The following PSD3 variants were observed in gnomAD, a reference collection of about 807,000 sequenced individuals.
PSD3 encodes the protein PH and SEC7 domain-containing protein 3.
In PSD3, 49 loss-of-function variants were observed where a neutral mutation model predicts 105.5. The observed-to-expected ratio is 0.46, with a 90% CI of 0.37 to 0.59. PSD3 has a LOEUF of 0.59. PSD3 is among the 20% of genes least tolerant of loss of function. The pLI is 0.00. For missense variants in PSD3, 1,561 were observed against 1,263.8 expected (o/e 1.24, Z -3.57); for synonymous variants, 557 against 457.8 (o/e 1.22, Z -2.77).
At chr8:18,674,157 A>G (rs1799944976) in intron 9 of PSD3, among the ~76,000 whole-genome samples, 1 of 151,630 alleles carries the variant, frequency 6.6e-6, no homozygotes, top group African/African-American at 2.4e-5. Flanking sequence ...AAAAAAAAAG[A>G]AAATGGTGGG....
chr8:18,736,614 T>C (rs1804170557), intron 9 of PSD3, among the ~76,000 whole-genome samples: 1 of 152,010 alleles, frequency 6.6e-6, no homozygotes, highest in Admixed American at 6.5e-5. Context: ...GTAGTTCAAC[T>C]CCAGGGAAAT....
intron 9 of PSD3, among the ~76,000 whole-genome samples, chr8:18,683,451 T>C (rs921099612): frequency 2.6e-5 from 4 of 152,232 alleles, no homozygotes; most frequent in African/African-American, 7.2e-5. Context: ...AAAAATCATT[T>C]GTCAAGGCAA....
At chr8:18,551,883 T>C (rs1800789126) in intron 15 of PSD3, among the ~76,000 whole-genome samples, 1 of 152,060 alleles carries the variant, frequency 6.6e-6, no homozygotes, top group Non-Finnish European at 1.5e-5. Flanking sequence ...TTAATACATA[T>C]AAAACTGGCT....
Position 18,610,306 on chromosome 8 carries a change from C to G in PSD3, c.2411-9872G>C, listed in dbSNP as rs374855869. ...GAAAACCTAACTTAGGAGTATGCAC[C>G]TGTAACAATACCTGAGTCTTGGCCA... On this transcript the variant is annotated intron_variant, in intron 11 of 15. Coordinates refer to ENST00000327040, the MANE Select transcript of PSD3 (RefSeq NM_015310.4). Among the ~76,000 whole-genome samples, 16 of 152,302 alleles carry G rather than the reference C, an allele frequency of 1.1e-4. No homozygotes were observed. The East Asian group carries it at 1.4e-3, about 13-fold the overall frequency.
intron 1 of PSD3, among the ~76,000 whole-genome samples, chr8:19,007,666 G>A (rs79834746): frequency 0.094 from 14,124 of 150,208 alleles, 787 homozygotes; most frequent in African/African-American, 0.12. Flanking sequence ...CTAGGTCAGT[G>A]GACAAGGTTT....
chr8:18,621,278 C>T (rs141157610), intron 11 of PSD3, among the ~76,000 whole-genome samples: 1 of 152,102 alleles, frequency 6.6e-6, no homozygotes, highest in African/African-American at 2.4e-5. Flanking sequence ...CATGGTGGCA[C>T]ACACCTGTAG....
chr8:18,621,135 C>T (rs1004537135), intron 11 of PSD3, among the ~76,000 whole-genome samples: 3 of 152,092 alleles, frequency 2.0e-5, no homozygotes, highest in African/African-American at 7.2e-5. Flanking sequence ...CAGCCAGGCA[C>T]GGTGGCTCAC....
intron 2 of PSD3, among the ~76,000 whole-genome samples, chr8:18,915,431 G>A (rs907118551): frequency 6.6e-6 from 1 of 151,960 alleles, no homozygotes; most frequent in African/African-American, 2.4e-5. Context: ...GTAAATACGT[G>A]GCAAATCATG....
At chr8:18,802,209 T>C (rs1810756956) in intron 6 of PSD3, 1 of 226,042 alleles carries the variant, frequency 4.4e-6, no homozygotes, top group Non-Finnish European at 9.5e-6. Context: ...CCTTACATAA[T>C]GGAATTAGTT....
At chr8:18,588,486 A>G (rs1803358368) in intron 12 of PSD3, among the ~76,000 whole-genome samples, 2 of 152,180 alleles carry the variant, frequency 1.3e-5, no homozygotes, top group African/African-American at 4.8e-5. Context: ...TTGTAAGTAG[A>G]TAGTTTACAG....
At chr8:18,578,191 A>G (rs1348306524) in intron 12 of PSD3, among the ~76,000 whole-genome samples, 1 of 151,736 alleles carries the variant, frequency 6.6e-6, no homozygotes, top group Non-Finnish European at 1.5e-5. Context: ...AGGATTCAGG[A>G]TTTTTTGCTA....
At chr8:18,807,947 A>G (rs1246139283) in intron 4 of PSD3, among the ~76,000 whole-genome samples, 1 of 152,148 alleles carries the variant, frequency 6.6e-6, no homozygotes, top group Non-Finnish European at 1.5e-5. Flanking sequence ...TCTATGATGT[A>G]AACATTTTTT....
At chr8:18,857,827 G>C (rs1816137513) in intron 4 of PSD3, among the ~76,000 whole-genome samples, 1 of 152,148 alleles carries the variant, frequency 6.6e-6, no homozygotes, top group Non-Finnish European at 1.5e-5. Context: ...AATCTCAGGA[G>C]TTCAGTGTGT....
chr8:18,829,803 G>A (rs911222032), intron 4 of PSD3, among the ~76,000 whole-genome samples: 2 of 152,086 alleles, frequency 1.3e-5, no homozygotes, highest in South Asian at 2.1e-4. Flanking sequence ...ATACTCTACC[G>A]TTTGAGAGAA....
intron 2 of PSD3, among the ~76,000 whole-genome samples, chr8:18,927,992 C>G (rs1477886240): frequency 2.6e-5 from 4 of 152,164 alleles, no homozygotes; most frequent in Non-Finnish European, 4.4e-5. Flanking sequence ...AATTCTACTT[C>G]TAGCTGTATA....
intron 8 of PSD3, among the ~76,000 whole-genome samples, chr8:18,783,527 CT>C (rs1197085272): frequency 6.6e-6 from 1 of 152,110 alleles, no homozygotes; most frequent in Non-Finnish European, 1.5e-5. Context: ...TTAGGTTAGA[CT>C]GTAAATTTGA....
In PSD3 at chr8:18,535,354, G is replaced by C. The variant is rs1216967716; in HGVS notation, c.*389C>G. On this transcript the variant is annotated 3_prime_UTR_variant, in exon 16 of 16. Coordinates refer to ENST00000327040, the MANE Select transcript of PSD3 (RefSeq NM_015310.4). Reference sequence around the variant, plus strand: ...CTAGAATTTACTAAAACTACAGTTTGTCCAGTTAAGTGTTTCACAATGGAT... The same window carrying C: ...CTAGAATTTACTAAAACTACAGTTTCTCCAGTTAAGTGTTTCACAATGGAT... The C allele has an allele frequency of 5.2e-6, 1 of 191,386 alleles. No homozygotes were observed. Among genetic ancestry groups the C allele is most frequent in the African/African-American group, 2.4e-5 (1 of 42,482 alleles). 11.9% of individuals were successfully genotyped at this position (191,386 alleles called of 1,614,324 possible). A position where few individuals can be genotyped will look rare whatever the true frequency, so the allele number is the denominator to read the frequency against.
chr8:18,896,254 T>C (rs1337354943), intron 2 of PSD3, among the ~76,000 whole-genome samples: 5 of 152,356 alleles, frequency 3.3e-5, no homozygotes, highest in South Asian at 2.1e-4. Flanking sequence ...TTCTTGGTTA[T>C]TGTGAATAGT....
At chr8:18,675,486 T>C (rs1800016117) in intron 9 of PSD3, among the ~76,000 whole-genome samples, 1 of 152,170 alleles carries the variant, frequency 6.6e-6, no homozygotes. Context: ...TTGGGGGGCA[T>C]TTCATGTTGT....
Sources: gnomAD v4.1 joint callset for allele counts (sites outside exome capture counted in the v4.1 genomes callset) on GRCh38, gnomAD v4.1.1 for gene constraint, MANE v1.5 for transcripts, NCBI Gene and HGNC (gene_info 2026-07-23, HGNC 2026-07-21) for gene names.